The following SLC39A10 variants were observed in gnomAD, a reference collection of about 807,000 sequenced individuals.
The protein encoded by SLC39A10 is solute carrier family 39 member 10.
A neutral mutation model predicts 65.1 loss-of-function variants in SLC39A10; 13 were observed. That is an observed-to-expected ratio of 0.20 (90% confidence interval 0.13 to 0.32). The LOEUF (loss-of-function observed/expected upper bound fraction) is 0.32, where lower values mean the gene tolerates loss of function less well. Ranked by LOEUF, SLC39A10 falls within the 10% of genes least tolerant of loss-of-function variation. SLC39A10 has a pLI of 1.00. For missense variants in SLC39A10, 831 were observed against 1,018.4 expected (o/e 0.82, Z 2.50); for synonymous variants, 321 against 342.2 (o/e 0.94, Z 0.68).
intron 2 of SLC39A10, among the ~76,000 whole-genome samples, chr2:195,643,286 G>A (rs559514461): frequency 6.6e-6 from 1 of 152,134 alleles, no homozygotes; most frequent in Admixed American, 6.6e-5. Context: ...TGAACAAGTG[G>A]GTCAAATTAG....
At chr2:195,724,379 C>G (rs1023095482) in intron 8 of SLC39A10, among the ~76,000 whole-genome samples, 1 of 152,098 alleles carries the variant, frequency 6.6e-6, no homozygotes, top group Admixed American at 6.5e-5. Flanking sequence ...AATGTTTATA[C>G]AGGTTCTCAC....
chr2:195,722,585 A>G (rs573727954), intron 8 of SLC39A10, among the ~76,000 whole-genome samples: 111 of 152,340 alleles, frequency 7.3e-4, no homozygotes, highest in African/African-American at 2.5e-3. Context: ...ATGTGGAGAA[A>G]GGCATACAAG....
intron 3 of SLC39A10, among the ~76,000 whole-genome samples, chr2:195,703,549 T>C (rs985400753): frequency 6.6e-6 from 1 of 152,174 alleles, no homozygotes; most frequent in African/African-American, 2.4e-5. Context: ...TATACATATT[T>C]CCTCTAAAAG....
chr2:195,734,389 C>G (rs1692519794), intron 9 of SLC39A10, among the ~76,000 whole-genome samples: 1 of 152,054 alleles, frequency 6.6e-6, no homozygotes, highest in South Asian at 2.1e-4. Flanking sequence ...TCTTGAACTC[C>G]TGACCCCATG....
chr2:195,621,747 T>C (rs1574194523), intron 2 of SLC39A10, among the ~76,000 whole-genome samples: 1 of 152,226 alleles, frequency 6.6e-6, no homozygotes, highest in Admixed American at 6.5e-5. Context: ...GTAATAATTA[T>C]AGTATGAAGT....
intron 2 of SLC39A10, among the ~76,000 whole-genome samples, chr2:195,619,216 T>G (rs1163973261): frequency 6.6e-6 from 1 of 150,588 alleles, no homozygotes; most frequent in Non-Finnish European, 1.5e-5. Flanking sequence ...TGAACTTAGG[T>G]AGTAGAGTAA....
At chr2:195,621,030 G>C (rs1272043019) in intron 2 of SLC39A10, among the ~76,000 whole-genome samples, 1 of 152,080 alleles carries the variant, frequency 6.6e-6, no homozygotes, top group Non-Finnish European at 1.5e-5. Context: ...TCAAGAGTCT[G>C]GATCTAATAT....
At chr2:195,666,579 C>T (rs577224140) in intron 1 of SLC39A10, among the ~76,000 whole-genome samples, 1 of 152,300 alleles carries the variant, frequency 6.6e-6, no homozygotes, top group Admixed American at 6.5e-5. Context: ...CCACCTGAGC[C>T]TCCCAGGTAG....
intron 2 of SLC39A10, among the ~76,000 whole-genome samples, chr2:195,619,996 C>T (rs538090481): frequency 1.3e-5 from 2 of 152,286 alleles, no homozygotes; most frequent in Admixed American, 6.5e-5. Flanking sequence ...GATCTTGACT[C>T]ACTGAAACCT....
intron 3 of SLC39A10, among the ~76,000 whole-genome samples, chr2:195,691,393 C>G (rs1559036224): frequency 6.6e-6 from 1 of 152,164 alleles, no homozygotes; most frequent in African/African-American, 2.4e-5. Flanking sequence ...CATGAGATTG[C>G]TGGATCAAAT....
intron 1 of SLC39A10, among the ~76,000 whole-genome samples, chr2:195,668,845 G>A (rs985540748): frequency 1.3e-5 from 2 of 152,146 alleles, no homozygotes; most frequent in Non-Finnish European, 2.9e-5. Context: ...CACTTTGGGA[G>A]GCTGAGGCGG....
chr2:195,639,275 C>G (rs1010772744), intron 2 of SLC39A10, among the ~76,000 whole-genome samples: 4 of 152,142 alleles, frequency 2.6e-5, no homozygotes, highest in African/African-American at 4.8e-5. Context: ...TAAGGAGGTA[C>G]TGGTCAGGTA....
At chr2:195,668,990 C>A (rs1214973280) in intron 1 of SLC39A10, among the ~76,000 whole-genome samples, 1 of 151,510 alleles carries the variant, frequency 6.6e-6, no homozygotes, top group Non-Finnish European at 1.5e-5. Context: ...CAGGATAATC[C>A]CTTGAACCTG....
intron 2 of SLC39A10, among the ~76,000 whole-genome samples, chr2:195,651,101 A>G (rs1689021996): frequency 2.0e-5 from 3 of 151,818 alleles, no homozygotes; most frequent in Non-Finnish European, 4.4e-5. Flanking sequence ...TTTATTTAGA[A>G]AGGAGTATAA....
chr2:195,731,318 G>T (rs934553460), intron 9 of SLC39A10, among the ~76,000 whole-genome samples: 5 of 152,092 alleles, frequency 3.3e-5, no homozygotes, highest in African/African-American at 1.2e-4. Flanking sequence ...TCCTGCAGAC[G>T]TCCTCATGGC....
intron 3 of SLC39A10, among the ~76,000 whole-genome samples, chr2:195,695,111 G>A (rs1041481611): frequency 2.6e-5 from 4 of 152,180 alleles, no homozygotes; most frequent in South Asian, 2.1e-4. Flanking sequence ...ACCCCAGTGC[G>A]CATTCCTCTC....
Position 195,637,002 on chromosome 2 carries a change from A to G in SLC39A10, c.-12+30769A>G, listed in dbSNP as rs551373211. 4.6e-5 allele frequency among the ~76,000 whole-genome samples: 7 copies of G among 152,246 alleles called. 1 individual carries two copies. In the South Asian group the frequency reaches 1.2e-3, roughly 27 times the overall value. ...GGTTTTGGCCTCCCCTATGTACCTA[A>G]TTCCCTCTAGTCTCAACTAAAAGCA... On this transcript the variant is annotated intron_variant, in intron 2 of 2. Transcript: ENST00000458054.
At chr2:195,691,234 T>C (rs559367039) in intron 3 of SLC39A10, among the ~76,000 whole-genome samples, 1 of 152,338 alleles carries the variant, frequency 6.6e-6, no homozygotes, top group South Asian at 2.1e-4. Flanking sequence ...TGTATCTATA[T>C]ATATACCACA....
chr2:195,712,723 A>C (rs942160517), intron 5 of SLC39A10, among the ~76,000 whole-genome samples: 22 of 152,202 alleles, frequency 1.4e-4, no homozygotes, highest in African/African-American at 5.1e-4. Flanking sequence ...ACAGTAAGAA[A>C]AATTTAAACC....
Sources: allele counts gnomAD v4.1 joint callset (sites outside exome capture counted in the v4.1 genomes callset), GRCh38; gene constraint gnomAD v4.1.1; transcripts MANE v1.5; gene names NCBI Gene and HGNC (gene_info 2026-07-23, HGNC 2026-07-21).